The following CMSS1 variants were observed in gnomAD, a reference collection of about 807,000 sequenced individuals.
The protein encoded by CMSS1 is cms1 ribosomal small subunit homolog.
In CMSS1, 33 loss-of-function variants were observed where a neutral mutation model predicts 43.5. The ratio of observed to expected loss-of-function variants is 0.76; its 90% CI spans 0.57 to 1.01. CMSS1 has a LOEUF of 1.01. Among genes scored for constraint, CMSS1 ranks in the 50% least tolerant of loss-of-function variants. The pLI is 0.00. For synonymous variants in CMSS1, 115 were observed against 117.2 expected, an observed-to-expected ratio of 0.98 and a Z score of 0.12; for missense variants, 313 against 326.4, an observed-to-expected ratio of 0.96 and a Z score of 0.32.
At chr3:99,835,905 A>G (rs1942877024) in intron 1 of CMSS1, among the ~76,000 whole-genome samples, 1 of 152,218 alleles carries the variant, frequency 6.6e-6, no homozygotes, top group Non-Finnish European at 1.5e-5. Flanking sequence ...GAAGAAGAGT[A>G]TTTCAGCCCT....
chr3:99,924,864 G>A (rs1296747795), intron 1 of CMSS1, among the ~76,000 whole-genome samples: 2 of 152,160 alleles, frequency 1.3e-5, no homozygotes, highest in African/African-American at 4.8e-5. Context: ...TTATTCTCTT[G>A]TTAATTGATA....
intron 1 of CMSS1, among the ~76,000 whole-genome samples, chr3:99,886,601 A>C (rs535663186): frequency 1.3e-3 from 187 of 148,006 alleles, no homozygotes; most frequent in African/African-American, 4.4e-3. Flanking sequence ...ACAAAGGCCC[A>C]AAAAAAAATT....
chr3:99,881,871 T>C (rs978614856), intron 1 of CMSS1, among the ~76,000 whole-genome samples: 1 of 152,152 alleles, frequency 6.6e-6, no homozygotes, highest in Non-Finnish European at 1.5e-5. Flanking sequence ...AAGAAACCAC[T>C]GACAGATTTT....
At chr3:99,831,232 G>A (rs562563616) in intron 1 of CMSS1, among the ~76,000 whole-genome samples, 7 of 152,254 alleles carry the variant, frequency 4.6e-5, no homozygotes, top group South Asian at 2.1e-4. Context: ...TTGTTAATGA[G>A]GCCAAAGCTT....
At chr3:100,175,669 C>T (rs1158744157) in intron 8 of CMSS1, among the ~76,000 whole-genome samples, 2 of 152,084 alleles carry the variant, frequency 1.3e-5, no homozygotes, top group African/African-American at 2.4e-5. Flanking sequence ...ACACAAGAGA[C>T]GTGGAACAGC....
At chr3:99,969,144 G>A in intron 1 of CMSS1, among the ~76,000 whole-genome samples, 1 of 152,118 alleles carries the variant, frequency 6.6e-6, no homozygotes, top group East Asian at 1.9e-4. Flanking sequence ...TCTTGACCTG[G>A]AGTAAGAATA....
chr3:99,844,770 T>A (rs1374486475), intron 1 of CMSS1, among the ~76,000 whole-genome samples: 1 of 152,116 alleles, frequency 6.6e-6, no homozygotes, highest in African/African-American at 2.4e-5. Context: ...CGTGGGGTGG[T>A]TTCCCCTGCT....
chr3:99,995,464 G>A (rs554036602), intron 1 of CMSS1, among the ~76,000 whole-genome samples: 1 of 152,298 alleles, frequency 6.6e-6, no homozygotes, highest in African/African-American at 2.4e-5. Context: ...CCAGGAGCAT[G>A]GTGCAAGCTG....
intron 1 of CMSS1, chr3:100,040,371 C>G (rs560827291): frequency 3.3e-5 from 5 of 151,868 alleles, no homozygotes; most frequent in Admixed American, 3.3e-4. Flanking sequence ...AAGTTCTCTC[C>G]CCGAGAATCA....
At chr3:100,162,922 C>T (rs930237423) in intron 4 of CMSS1, among the ~76,000 whole-genome samples, 4 of 152,112 alleles carry the variant, frequency 2.6e-5, no homozygotes, top group Non-Finnish European at 5.9e-5. Context: ...TTACAGTGAG[C>T]CAAGATGACG....
chr3:99,848,111 G>T, intron 1 of CMSS1: 1 of 1,453,042 alleles, frequency 6.9e-7, no homozygotes, highest in Non-Finnish European at 9.1e-7. Flanking sequence ...CACTCGATAT[G>T]ACTATGCAGG....
intron 1 of CMSS1, among the ~76,000 whole-genome samples, chr3:100,100,687 C>G (rs1207172421): frequency 6.6e-6 from 1 of 152,154 alleles, no homozygotes; most frequent in Non-Finnish European, 1.5e-5. Context: ...ACTATTGACC[C>G]TTGAGGCTTA....
At chr3:99,906,007 A>G (rs1706604136) in intron 1 of CMSS1, among the ~76,000 whole-genome samples, 1 of 152,174 alleles carries the variant, frequency 6.6e-6, no homozygotes, top group Non-Finnish European at 1.5e-5. Flanking sequence ...AGCCTAGAAA[A>G]CATGGAGAAA....
intron 1 of CMSS1, among the ~76,000 whole-genome samples, chr3:100,024,766 C>T (rs2064887829): frequency 2.0e-5 from 3 of 152,078 alleles, no homozygotes; most frequent in Admixed American, 1.3e-4. Context: ...AGCTCAGTTA[C>T]GGAGGCTTCT....
At chr3:100,137,624 GTGAT>G (rs2066767107) in intron 1 of CMSS1, among the ~76,000 whole-genome samples, 2 of 151,020 alleles carry the variant, frequency 1.3e-5, no homozygotes, top group Admixed American at 6.6e-5. Flanking sequence ...GTGCAGTGGC[GTGAT>G]CTCGGCTCAC....
At chr3:100,123,502 T>C (rs2066638231) in intron 1 of CMSS1, among the ~76,000 whole-genome samples, 1 of 152,164 alleles carries the variant, frequency 6.6e-6, no homozygotes, top group Non-Finnish European at 1.5e-5. Context: ...GTTTACATGA[T>C]CCTATTTACC....
At chr3:99,838,971 A>G (rs1402237097) in intron 1 of CMSS1, among the ~76,000 whole-genome samples, 1 of 152,028 alleles carries the variant, frequency 6.6e-6, no homozygotes, top group Non-Finnish European at 1.5e-5. Flanking sequence ...ACCCTGCCCC[A>G]ACCATCTCAA....
At chr3:99,917,178 C>T (rs1706979898) in intron 1 of CMSS1, among the ~76,000 whole-genome samples, 1 of 152,152 alleles carries the variant, frequency 6.6e-6, no homozygotes, top group South Asian at 2.1e-4. Flanking sequence ...CTGCATTCTC[C>T]TAGGGCTGTG....
intron 1 of CMSS1, among the ~76,000 whole-genome samples, chr3:100,047,856 T>C (rs1219130413): frequency 6.6e-6 from 1 of 152,006 alleles, no homozygotes; most frequent in African/African-American, 2.4e-5. Context: ...GCATTTTTGG[T>C]TGTCAAAATG....
Sources: gnomAD v4.1 joint callset for allele counts (sites outside exome capture counted in the v4.1 genomes callset) on GRCh38, gnomAD v4.1.1 for gene constraint, MANE v1.5 for transcripts, NCBI Gene and HGNC (gene_info 2026-07-23, HGNC 2026-07-21) for gene names.